Variants in NCOA3 observed in about 807,000 individuals in gnomAD.
NCOA3 encodes the protein CBP-interacting protein.
Under a neutral mutation model 158.8 loss-of-function variants are expected in NCOA3, and 51 were observed. The observed-to-expected ratio is 0.32, with a 90% CI of 0.26 to 0.41. The LOEUF is 0.41. Ranked by LOEUF, NCOA3 falls within the 10% of genes least tolerant of loss-of-function variation. NCOA3 has a pLI of 1.00. For missense variants in NCOA3, 1,510 were observed against 1,746.6 expected (o/e 0.86, Z 2.41); for synonymous variants, 537 against 592.4 (o/e 0.91, Z 1.36).
Position 47,627,104 on chromosome 20 carries a change from A to T in NCOA3, c.460A>T (p.Asn154Tyr), listed in dbSNP as rs2086334702. The T allele has an allele frequency of 6.2e-7, 1 of 1,613,082 alleles. No homozygotes were observed. The highest frequency in any genetic ancestry group is 1.3e-5 in the African/African-American group (1 of 74,938). ...YLQYKQEDLV[N>Y]TSVYNILHEE... ...GCAATATAAGCAAGAGGACCTGGTT[A>T]ACACAAGTGTTTACAATATCTTACA... Residue 154 changes from asparagine (N) to tyrosine (Y), a missense_variant, in exon 6 of 23, where the codon AAC (asparagine) becomes TAC (tyrosine). Transcript: ENST00000371998.
intron 2 of NCOA3, among the ~76,000 whole-genome samples, chr20:47,613,775 G>T (rs1397304637): frequency 6.6e-6 from 1 of 151,952 alleles, no homozygotes; most frequent in African/African-American, 2.4e-5. Context: ...GCTGGGCGTG[G>T]TGGTGGGTGC....
At chr20:47,628,250 C>T (rs2086355227) in intron 8 of NCOA3, among the ~76,000 whole-genome samples, 1 of 151,814 alleles carries the variant, frequency 6.6e-6, no homozygotes, top group South Asian at 2.1e-4. Flanking sequence ...TTAAATCCCC[C>T]AGATAAATTA....
At chr20:47,643,981 C>T (rs904591652) in intron 17 of NCOA3, among the ~76,000 whole-genome samples, 2 of 151,168 alleles carry the variant, frequency 1.3e-5, no homozygotes, top group African/African-American at 2.4e-5. Flanking sequence ...TGGTATGGGT[C>T]TTTTTTCATT....
rs192120285 is a variant in NCOA3, at chr20:47,579,110, G to A, written c.-98-4073G>A. 1.3e-3 allele frequency among the ~76,000 whole-genome samples: 201 copies of A among 152,134 alleles called. 1 individual carries two copies. The highest frequency in any genetic ancestry group is 1.8e-3 in the Non-Finnish European group (121 of 68,010). Reference sequence around the variant, plus strand: ...AATTTGATGTTTGATTTCCCCTCACGTCCTTTTAGGTCTCTGGTGATGAAG... The same window carrying A: ...AATTTGATGTTTGATTTCCCCTCACATCCTTTTAGGTCTCTGGTGATGAAG... On this transcript the variant is annotated intron_variant, in intron 1 of 22. Transcript: ENST00000371998.
At chr20:47,606,756 A>C (rs1258312797) in intron 2 of NCOA3, among the ~76,000 whole-genome samples, 1 of 152,234 alleles carries the variant, frequency 6.6e-6, no homozygotes, top group East Asian at 1.9e-4. Flanking sequence ...ATGAGTGACA[A>C]ACCATGGCTA....
rs753083547 is a variant in NCOA3 at position 47,636,396 on chromosome 20, A to C, written c.2010A>C (p.Thr670=). The C allele has an allele frequency of 1.5e-5, 25 of 1,614,116 alleles. No homozygotes were observed. Among genetic ancestry groups the C allele is most frequent in the Non-Finnish European group, 2.0e-5 (24 of 1,180,032 alleles). The change falls in exon 12 of 23, where the codon ACA becomes ACC. Residue 670 remains threonine (T), a synonymous_variant. Coordinates refer to ENST00000371998, the MANE Select transcript of NCOA3 (RefSeq NM_181659.3). ...SSSTSGGVSS[T]SNMHGSLLQE... ...CTACATCTGGAGGAGTATCCTCTAC[A>C]TCCAATATGCATGGGTCACTGTTAC...
intron 8 of NCOA3, among the ~76,000 whole-genome samples, chr20:47,629,943 G>GA: frequency 6.6e-6 from 1 of 152,276 alleles, no homozygotes; most frequent in South Asian, 2.1e-4. Context: ...ACATGATGGA[G>GA]AAAAAAATTG....
intron 2 of NCOA3, among the ~76,000 whole-genome samples, chr20:47,611,138 C>A (rs564104554): frequency 6.6e-6 from 1 of 152,306 alleles, no homozygotes; most frequent in East Asian, 1.9e-4. Flanking sequence ...GTCTTTTCCT[C>A]TGTGAGGTAG....
intron 2 of NCOA3, among the ~76,000 whole-genome samples, chr20:47,602,608 G>A (rs1020921218): frequency 6.6e-6 from 1 of 152,206 alleles, no homozygotes; most frequent in Non-Finnish European, 1.5e-5. Flanking sequence ...GACTTCAGAA[G>A]ATAAATTGGC....
chr20:47,568,357 C>A (rs1010299121), intron 1 of NCOA3, among the ~76,000 whole-genome samples: 1 of 152,042 alleles, frequency 6.6e-6, no homozygotes, highest in Non-Finnish European at 1.5e-5. Context: ...TACAGGCATA[C>A]CTCAGACCAT....
chr20:47,555,422 C>T (rs538809312), intron 1 of NCOA3, among the ~76,000 whole-genome samples: 8 of 152,146 alleles, frequency 5.3e-5, no homozygotes, highest in African/African-American at 1.9e-4. Context: ...TGTTGTGGTT[C>T]GTGTTTCTCA....
intron 1 of NCOA3, among the ~76,000 whole-genome samples, chr20:47,538,172 G>A (rs530750099): frequency 4.6e-5 from 7 of 152,248 alleles, no homozygotes; most frequent in African/African-American, 1.4e-4. Context: ...GAACCACCGC[G>A]CCTGGACTAA....
At chr20:47,563,402 A>G (rs949208572) in intron 1 of NCOA3, among the ~76,000 whole-genome samples, 1 of 152,198 alleles carries the variant, frequency 6.6e-6, no homozygotes, top group African/African-American at 2.4e-5. Context: ...GAGGAGATGC[A>G]TATGTAGAAG....
rs369345558 is a variant in NCOA3 at position 47,561,014 on chromosome 20, C to A, written c.-98-22169C>A. 2.2e-5 allele frequency among the ~76,000 whole-genome samples: 3 copies of A among 133,668 alleles called. 1 individual carries two copies. Among genetic ancestry groups the A allele is most frequent in the African/African-American group, 8.5e-5 (3 of 35,356 alleles). The allele number at this position is 133,668 out of a possible 152,430, so 87.7% of individuals were successfully genotyped here. On this transcript the variant is annotated intron_variant, in intron 1 of 22. Transcript: ENST00000371998. Reference sequence around the variant, plus strand: ...TGAGATAGGGTCTCTGTCACCCGGGCTGGAGTATAGTGGTATGATTTTGGC... The same window carrying A: ...TGAGATAGGGTCTCTGTCACCCGGGATGGAGTATAGTGGTATGATTTTGGC...
chr20:47,622,329 G>A lies in NCOA3; in HGVS notation c.82G>A (p.Gly28Ser), dbSNP rs1202060300. 2 of 1,587,038 alleles carry A rather than the reference G, an allele frequency of 1.3e-6. No individual in the cohort carries two copies. Among genetic ancestry groups the A allele is most frequent in the Non-Finnish European group, 8.6e-7 (1 of 1,166,232 alleles). Reference protein sequence around the residue: ...RKLPCDTPGQGLTCSGEKRRR... With the variant: ...RKLPCDTPGQSLTCSGEKRRR... ...ATTGCCATGTGATACTCCAGGACAAGGGTAGGTGACTTATTTCCTGGTGCT... is the reference window on the plus strand; with the variant it reads ...ATTGCCATGTGATACTCCAGGACAAAGGTAGGTGACTTATTTCCTGGTGCT... The change falls in exon 3 of 23, where the codon GGT (glycine) becomes AGT (serine). Residue 28 changes from glycine (G) to serine (S), a missense_variant and splice_region_variant. Coordinates refer to ENST00000371998, the MANE Select transcript of NCOA3 (RefSeq NM_181659.3).
chr20:47,528,157 G>A lies in NCOA3; in HGVS notation c.-99+26138G>A, dbSNP rs1335881989. On this transcript the variant is annotated intron_variant, in intron 1 of 22. Transcript: ENST00000371998. ...ATATGTATATTTTGAGGAATAACAA[G>A]TGTTTTAAAGCTCAAAATAACAGTT... Among the ~76,000 whole-genome samples, 17 of 152,218 alleles carry A rather than the reference G, an allele frequency of 1.1e-4. No individual in the cohort carries two copies. The South Asian group carries it at 1.2e-3, about 11-fold the overall frequency.
rs957839104 is a variant in NCOA3 at position 47,526,445 on chromosome 20, C to T, written c.-99+24426C>T. 5.0e-3 allele frequency among the ~76,000 whole-genome samples: 755 copies of T among 152,284 alleles called. 7 individuals are homozygous for T. The highest frequency in any genetic ancestry group is 0.017 in the African/African-American group (718 of 41,562). ...TGGAGGTTGTAGCGAGCCGAGATCA[C>T]GCCACTGCACTCCAGCCTGGGCACC... On this transcript the variant is annotated intron_variant, in intron 1 of 22. Transcript: ENST00000371998.
chr20:47,645,651 A>G (rs2086674820), intron 17 of NCOA3, among the ~76,000 whole-genome samples: 1 of 152,110 alleles, frequency 6.6e-6, no homozygotes, highest in Non-Finnish European at 1.5e-5. Context: ...TAGCAAGTGA[A>G]TGCAGGTAAG....
At chr20:47,541,818 C>T (rs6122594) in intron 1 of NCOA3, among the ~76,000 whole-genome samples, 1 of 151,960 alleles carries the variant, frequency 6.6e-6, no homozygotes, top group South Asian at 2.1e-4. Flanking sequence ...GCATTAATTT[C>T]TTAGTAGCAT....
Sources: allele counts gnomAD v4.1 joint callset (sites outside exome capture counted in the v4.1 genomes callset), GRCh38; gene constraint gnomAD v4.1.1; transcripts MANE v1.5; gene names NCBI Gene and HGNC (gene_info 2026-07-23, HGNC 2026-07-21).